Variants in ATP2C1 observed in about 807,000 individuals in gnomAD.
ATP2C1 encodes the protein ATPase secretory pathway Ca2+ transporting 1.
ATP2C1 carries 31 observed loss-of-function variants against 120.5 expected under a neutral mutation model. That is an observed-to-expected ratio of 0.26 (90% CI 0.19 to 0.35). The LOEUF is 0.35. Among genes scored for constraint, ATP2C1 ranks in the 10% least tolerant of loss-of-function variants. The probability of loss-of-function intolerance (pLI) is 1.00; values close to 1 mark genes in which losing one functional copy is unlikely to be tolerated. For synonymous variants in ATP2C1, 351 were observed against 358.7 expected (o/e 0.98, Z 0.24); for missense variants, 731 against 1,107.5 (o/e 0.66, Z 4.83).
intron 2 of ATP2C1, among the ~76,000 whole-genome samples, chr3:130,908,929 T>C (rs1292474688): frequency 1.3e-5 from 2 of 152,154 alleles, no homozygotes. Flanking sequence ...ATATTGTAAG[T>C]ATGGGAGAAA....
intron 12 of ATP2C1, among the ~76,000 whole-genome samples, chr3:130,962,300 A>T (rs976037589): frequency 6.6e-6 from 1 of 152,074 alleles, no homozygotes; most frequent in African/African-American, 2.4e-5. Flanking sequence ...GGACCAAAGA[A>T]GATAACTGTT....
intron 26 of ATP2C1, chr3:131,014,078 A>G (rs2063455974): frequency 3.1e-6 from 5 of 1,594,062 alleles, no homozygotes; most frequent in Non-Finnish European, 4.3e-6. Flanking sequence ...TGGAGGCCTC[A>G]CTATGTTCCT....
intron 22 of ATP2C1, 28 bp downstream of exon 22, chr3:130,994,126 C>T: frequency 6.2e-7 from 1 of 1,612,948 alleles, no homozygotes; most frequent in Non-Finnish European, 8.5e-7. Flanking sequence ...GAATGCCTAT[C>T]AGAGAATCTT....
chr3:130,894,006 G>T (rs1265211089), upstream of ATP2C1: 13 of 985,902 alleles, frequency 1.3e-5, no homozygotes, highest in South Asian at 4.2e-4. The surrounding 1 kb of genome is among the most constrained non-coding windows in gnomAD (Gnocchi z 4.5). Context: ...CTGGGTTCGC[G>T]GCTGGCCCAG....
chr3:130,868,430 C>G (rs573500263), intron 1 of ATP2C1: 1 of 124,572 alleles, frequency 8.0e-6, no homozygotes, highest in East Asian at 2.7e-4. Context: ...GGTGGGGGGT[C>G]AGCCCCCCGC....
intron 17 of ATP2C1, 24 bp from the exon 18 acceptor site, chr3:130,975,308 G>A (rs1368783100): frequency 4.3e-6 from 7 of 1,612,594 alleles, no homozygotes; most frequent in African/African-American, 1.3e-5. Context: ...AATTAAACTT[G>A]TGTTTGGTAC....
chr3:130,890,424 C>T (rs28454982), upstream of ATP2C1, among the ~76,000 whole-genome samples: 1 of 152,206 alleles, frequency 6.6e-6, no homozygotes, highest in Admixed American at 6.5e-5. Context: ...GGCTCAGAAT[C>T]TGAGCCAATG....
At position 130,900,015 on chromosome 3, in the gene ATP2C1, C is replaced by T. The variant is rs111498754; in HGVS notation, c.6+5240C>T. ...CGTGTCCCTCCCTCAGAAGGAAATA[C>T]GTTAATTTAGTATGACATCCTTTTT... On this transcript the variant is annotated intron_variant, in intron 2 of 27. Coordinates refer to ENST00000510168, the MANE Select transcript of ATP2C1 (RefSeq NM_001378687.1). 5.1e-3 allele frequency among the ~76,000 whole-genome samples: 775 copies of T among 152,042 alleles called. 11 individuals are homozygous for T. The highest frequency in any genetic ancestry group is 0.017 in the African/African-American group (723 of 41,482).
At chr3:130,886,168 C>A (rs1397146296) in intron 1 of ATP2C1, among the ~76,000 whole-genome samples, 2 of 152,174 alleles carry the variant, frequency 1.3e-5, no homozygotes, top group African/African-American at 4.8e-5. Context: ...ACCACTCTCT[C>A]GGCCTGTAAG....
chr3:130,893,912 C>CCTTCA (rs1576610632), upstream of ATP2C1: 7 of 985,362 alleles, frequency 7.1e-6, no homozygotes, highest in South Asian at 9.4e-5. Flanking sequence ...GAAGTCTCGG[C>CCTTCA]CTTCACTTCA....
At chr3:130,918,115 T>C in intron 2 of ATP2C1, 2 of 703,672 alleles carry the variant, frequency 2.8e-6, no homozygotes, top group Non-Finnish European at 5.2e-6. Context: ...GGGTAATATA[T>C]AGTACTTAAT....
In ATP2C1 at chr3:130,953,934, C is replaced by A; in HGVS notation, c.645C>A (p.Asn215Lys). The change falls in exon 9 of 28, where the codon AAC becomes AAA. Residue 215 changes from asparagine (N) to lysine (K), a missense_variant. Transcript: ENST00000510168. ...ATGGAGATCTTGCATCGAGAAGTAACATTGCCTTTATGGGAACACTGGTCA... is the reference window on the plus strand; with the variant it reads ...ATGGAGATCTTGCATCGAGAAGTAAAATTGCCTTTATGGGAACACTGGTCA... ...ATNGDLASRS[N>K]IAFMGTLVRC... 6.2e-7 allele frequency: 1 copy of A among 1,614,060 alleles called. No homozygotes were observed. The highest frequency in any genetic ancestry group is 8.5e-7 in the Non-Finnish European group (1 of 1,179,962).
chr3:130,936,598 G>T (rs1366757046), intron 5 of ATP2C1, among the ~76,000 whole-genome samples: 4 of 151,746 alleles, frequency 2.6e-5, no homozygotes, highest in African/African-American at 9.7e-5. Flanking sequence ...GGATCATGAG[G>T]TCAGGAGATT....
At chr3:130,981,515 C>T (rs1318134591) in intron 20 of ATP2C1, among the ~76,000 whole-genome samples, 1 of 152,082 alleles carries the variant, frequency 6.6e-6, no homozygotes, top group Non-Finnish European at 1.5e-5. Context: ...CAGGCTTTTG[C>T]AGTTTGTACA....
chr3:131,011,321 G>A (rs1311602225), intron 26 of ATP2C1, among the ~76,000 whole-genome samples: 4 of 152,144 alleles, frequency 2.6e-5, no homozygotes, highest in Non-Finnish European at 5.9e-5. Context: ...AACATGATTA[G>A]GTTATAGTAA....
chr3:130,993,363 T>A (rs183568787), intron 21 of ATP2C1, among the ~76,000 whole-genome samples: 1 of 152,324 alleles, frequency 6.6e-6, no homozygotes, highest in African/African-American at 2.4e-5. Flanking sequence ...TGAACAGTGC[T>A]TAAAAGGCTA....
At chr3:130,891,473 C>T (rs974023945), upstream of ATP2C1, among the ~76,000 whole-genome samples, 3 of 152,118 alleles carry the variant, frequency 2.0e-5, no homozygotes, top group African/African-American at 7.2e-5. Context: ...CTTTCTTGCA[C>T]GTGACCACTT....
intron 26 of ATP2C1, chr3:131,014,299 C>T (rs746729217): frequency 8.1e-6 from 13 of 1,613,862 alleles, no homozygotes; most frequent in Non-Finnish European, 9.3e-6. Flanking sequence ...AGTTGCTTAG[C>T]CTCAGGACAT....
chr3:130,883,132 A>G (rs934386117), intron 1 of ATP2C1, among the ~76,000 whole-genome samples: 2 of 152,136 alleles, frequency 1.3e-5, no homozygotes, highest in Non-Finnish European at 2.9e-5. Context: ...TTATTAGCAT[A>G]TGGTTGATGA....
Sources: allele counts gnomAD v4.1 joint callset (sites outside exome capture counted in the v4.1 genomes callset), GRCh38; gene constraint gnomAD v4.1.1; non-coding constraint Gnocchi (gnomAD v3.1); transcripts MANE v1.5; gene names NCBI Gene and HGNC (gene_info 2026-07-23, HGNC 2026-07-21).